Variants in CLCA1 observed in about 807,000 individuals in gnomAD.
CLCA1 encodes calcium-activated chloride channel regulator 1.
CLCA1 carries 59 observed loss-of-function variants against 85.6 expected under a neutral mutation model. The observed-to-expected ratio is 0.69, with a 90% CI of 0.56 to 0.86. CLCA1 has a LOEUF of 0.86. CLCA1 is among the 40% of genes least tolerant of loss of function. CLCA1 has a pLI of 0.00. For synonymous variants in CLCA1, 396 were observed against 398.3 expected, an observed-to-expected ratio of 0.99 and a Z score of 0.07; for missense variants, 1,022 against 1,101.4, an observed-to-expected ratio of 0.93 and a Z score of 1.02.
At chr1:86,492,915 G>C (rs554896364) in intron 9 of CLCA1, among the ~76,000 whole-genome samples, 4 of 152,154 alleles carry the variant, frequency 2.6e-5, no homozygotes, top group Non-Finnish European at 5.9e-5. Context: ...GAATGTCGAA[G>C]GATTGATAGA....
chr1:86,488,604 T>C (rs1570286781), intron 7 of CLCA1, among the ~76,000 whole-genome samples: 1 of 152,142 alleles, frequency 6.6e-6, no homozygotes, highest in Admixed American at 6.5e-5. Context: ...CTGCCCTGGG[T>C]CTAATATCCC....
rs1436738484 is a variant in CLCA1 at position 86,473,568 on chromosome 1, C to A, written c.303+11C>A. 4 of 1,570,656 alleles carry A rather than the reference C, an allele frequency of 2.5e-6. No homozygotes were observed. The highest frequency in any genetic ancestry group is 3.5e-6 in the Non-Finnish European group (4 of 1,154,898). On this transcript the variant is annotated intron_variant, in intron 2 of 13. Coordinates refer to ENST00000394711, the MANE Select transcript of CLCA1 (RefSeq NM_001285.4). The stretch of plus-strand genomic sequence containing the variant: ...GAGACCTACAAAAATGTGAGAATAT[C>A]AAGTTCTTCTTTAAAATTCCACTTT...
intron 8 of CLCA1, 81 bp downstream of exon 8, chr1:86,489,251 A>G: frequency 1.5e-6 from 2 of 1,348,136 alleles, no homozygotes; most frequent in Non-Finnish European, 2.1e-6. Context: ...AGTGGGGGAA[A>G]GATGGGATGG....
chr1:86,493,048 GACAA>G (rs1167516236), intron 9 of CLCA1, among the ~76,000 whole-genome samples: 2 of 152,182 alleles, frequency 1.3e-5, no homozygotes, highest in African/African-American at 4.8e-5. Flanking sequence ...GTAAGGCTTA[GACAA>G]ACAGAGAAGA....
intron 6 of CLCA1, among the ~76,000 whole-genome samples, chr1:86,485,952 G>A (rs952317858): frequency 3.3e-5 from 5 of 151,938 alleles, no homozygotes; most frequent in Non-Finnish European, 5.9e-5. Context: ...CCACACGGCT[G>A]GGGAGGCCTC....
rs1293943213 is a variant in CLCA1, at chr1:86,479,660, C to A, written c.558-2545C>A. Among the ~76,000 whole-genome samples, 9 of 152,256 alleles carry A rather than the reference C, an allele frequency of 5.9e-5. No homozygotes were observed. The East Asian group carries it at 1.7e-3, about 29-fold the overall frequency. ...CAGCACTTTAGGAGGCCGAGGCAGG[C>A]AGATCACAAGGTCAGGAGATCGAGA... On this transcript the variant is annotated intron_variant, in intron 4 of 13. Transcript: ENST00000394711.
In CLCA1 at chr1:86,476,557, T is replaced by A; in HGVS notation, c.557+4T>A. 7.1e-7 allele frequency: 1 copy of A among 1,400,152 alleles called. No individual in the cohort carries two copies. The highest frequency in any genetic ancestry group is 2.3e-5 in the East Asian group (1 of 43,750). The allele number at this position is 1,400,152 out of a possible 1,614,324, so 86.7% of individuals were successfully genotyped here. Reference sequence around the variant, plus strand: ...ATGGAAGAATACAAGCAGTAAGGTATGTATATTTTGATTTAACTTGTTCCA... The same window carrying A: ...ATGGAAGAATACAAGCAGTAAGGTAAGTATATTTTGATTTAACTTGTTCCA... On this transcript the variant is annotated splice_donor_region_variant and intron_variant, in intron 4 of 13. Coordinates refer to ENST00000394711, the MANE Select transcript of CLCA1 (RefSeq NM_001285.4).
rs1647522912 is a variant in CLCA1, at chr1:86,472,230, GCTGTATTTATTCCACTA to G, written c.163-1184_163-1168del. Among the ~76,000 whole-genome samples, 5 of 152,206 alleles carry G rather than the reference GCTGTATTTATTCCACTA, an allele frequency of 3.3e-5. No homozygotes were observed. The South Asian group carries it at 1.0e-3, about 32-fold the overall frequency. On this transcript the variant is annotated intron_variant, in intron 1 of 13. Coordinates refer to ENST00000394711, the MANE Select transcript of CLCA1 (RefSeq NM_001285.4). ...TTCTTGAAACCACTCTTACGGAGCT[GCTGTATTTATTCCACTA>G]CTAGGGCTCACCATGCTGCCAAGTC...
chr1:86,475,662 A>G (rs753985356), intron 3 of CLCA1, among the ~76,000 whole-genome samples: 2 of 152,216 alleles, frequency 1.3e-5, no homozygotes, highest in Non-Finnish European at 2.9e-5. Context: ...AAGAAGAATA[A>G]GAGTTATCCA....
Position 86,498,729 on chromosome 1 carries a change from C to T in CLCA1, c.2271C>T (p.Thr757=), listed in dbSNP as rs140302289. Residue 757 remains threonine (T), a synonymous_variant, in exon 13 of 14, where the codon ACC becomes ACT. Coordinates refer to ENST00000394711, the MANE Select transcript of CLCA1 (RefSeq NM_001285.4). ...ATCTCTTCCCACCTGGCCAAATCAC[C>T]GACCTGAAGGCGGAAATTCACGGGG... is the stretch of plus-strand genomic sequence containing the variant. ...IPDLFPPGQI[T]DLKAEIHGGS... is the part of the protein sequence containing the mutation. 8.9e-5 allele frequency: 144 copies of T among 1,613,936 alleles called. No individual in the cohort carries two copies. Among genetic ancestry groups the T allele is most frequent in the Non-Finnish European group, 1.1e-4 (127 of 1,180,030 alleles).
rs762896434 is a variant in CLCA1, at chr1:86,469,166, A to G, written c.162+33A>G. 1.5e-5 allele frequency: 23 copies of G among 1,502,454 alleles called. No homozygotes were observed. In the East Asian group the frequency reaches 5.1e-4, roughly 33 times the overall value. 93.1% of individuals were successfully genotyped at this position (1,502,454 alleles called of 1,614,324 possible). Reference sequence around the variant, plus strand: ...CATAGTAATTATCCATACTTTTTTAAAAATAGCATAATGTTGTGATAGAGA... The same window carrying G: ...CATAGTAATTATCCATACTTTTTTAGAAATAGCATAATGTTGTGATAGAGA... On this transcript the variant is annotated intron_variant, in intron 1 of 13. Transcript: ENST00000394711.
In CLCA1 at chr1:86,499,906, A is replaced by G. The variant is rs1351931149; in HGVS notation, c.2606A>G (p.Gln869Arg). ...CGAGTATCTTTGTTTATTCCTCCAC[A>G]GACTCCGCCAGAGACACCTAGTCCT... ...IARVSLFIPP[Q>R]TPPETPSPDE... Residue 869 changes from glutamine (Q) to arginine (R), a missense_variant, in exon 14 of 14, where the codon CAG becomes CGG. By Grantham distance (43) the Gln-to-Arg change is conservative (BLOSUM62 1). Coordinates refer to ENST00000394711, the MANE Select transcript of CLCA1 (RefSeq NM_001285.4). 4 of 1,614,132 alleles carry G rather than the reference A, an allele frequency of 2.5e-6. No homozygotes were observed. The South Asian group carries it at 4.4e-5, about 18-fold the overall frequency.
chr1:86,499,759 A>G lies in CLCA1; in HGVS notation c.2459A>G (p.Asn820Ser), dbSNP rs771136304. ...ACTGCTCTCATCCCAAAGGAAGCCA[A>G]CTCTGAGGAAGTCTTTTTGTTTAAA... The part of the protein sequence containing the change: ...NTTALIPKEA[N>S]SEEVFLFKPE... The change falls in exon 14 of 14, where the codon AAC becomes AGC. Residue 820 changes from asparagine to serine, a missense_variant. Physicochemically the swap from Asn to Ser is conservative, Grantham distance 46. Transcript: ENST00000394711. The G allele has an allele frequency of 6.2e-7, 1 of 1,613,678 alleles. No homozygotes were observed. The highest frequency in any genetic ancestry group is 2.2e-5 in the East Asian group (1 of 44,880).
chr1:86,469,938 G>A (rs1647452123), intron 1 of CLCA1, among the ~76,000 whole-genome samples: 1 of 152,094 alleles, frequency 6.6e-6, no homozygotes, highest in African/African-American at 2.4e-5. Context: ...GCATATAAAG[G>A]GAAGCTGGGT....
Position 86,498,662 on chromosome 1 carries a change from G to T in CLCA1, c.2204G>T (p.Gly735Val), listed in dbSNP as rs756506934. The T allele has an allele frequency of 6.2e-7, 1 of 1,613,960 alleles. No homozygotes were observed. The highest frequency in any genetic ancestry group is 8.5e-7 in the Non-Finnish European group (1 of 1,180,024). Residue 735 changes from glycine (G) to valine (V), a missense_variant, in exon 13 of 14, where the codon GGC (glycine) becomes GTC (valine). Physicochemically the swap from Gly to Val is moderately radical, Grantham distance 109. Coordinates refer to ENST00000394711, the MANE Select transcript of CLCA1 (RefSeq NM_001285.4). ...QVCFSRTSSGGSFVASDVPNA... is the reference protein window; with the variant it reads ...QVCFSRTSSGVSFVASDVPNA... ...TGTTTCAGCAGAACATCCTCGGGAGGCTCATTTGTGGCTTCTGATGTCCCA... is the reference window on the plus strand; with the variant it reads ...TGTTTCAGCAGAACATCCTCGGGAGTCTCATTTGTGGCTTCTGATGTCCCA...
chr1:86,490,622 A>G (rs1648108070), intron 8 of CLCA1, among the ~76,000 whole-genome samples: 2 of 152,202 alleles, frequency 1.3e-5, no homozygotes, highest in African/African-American at 4.8e-5. Context: ...TCTCTCATGT[A>G]AAAGTGCAGG....
intron 3 of CLCA1, among the ~76,000 whole-genome samples, chr1:86,475,462 A>G (rs1265245284): frequency 6.6e-6 from 1 of 152,238 alleles, no homozygotes; most frequent in Non-Finnish European, 1.5e-5. Context: ...CCCAGATATG[A>G]CAGTGAAGAA....
At chr1:86,475,162 G>A (rs906421241) in intron 3 of CLCA1, among the ~76,000 whole-genome samples, 2 of 152,124 alleles carry the variant, frequency 1.3e-5, no homozygotes, top group South Asian at 2.1e-4. Context: ...GCCCACTCCA[G>A]CCATCATGAT....
intron 13 of CLCA1, 63 bp downstream of exon 13, chr1:86,498,874 G>A (rs56044444): frequency 0.012 from 18,447 of 1,553,596 alleles, 232 homozygotes; most frequent in South Asian, 0.033. Flanking sequence ...GAGCAGAAGC[G>A]GGTGAGGCAG....
Sources: allele counts gnomAD v4.1 joint callset (sites outside exome capture counted in the v4.1 genomes callset), GRCh38; gene constraint gnomAD v4.1.1; transcripts MANE v1.5; gene names NCBI Gene and HGNC (gene_info 2026-07-23, HGNC 2026-07-21).